Variants in FRMD4B observed in about 807,000 individuals in gnomAD.
The protein encoded by FRMD4B is FERM domain-containing protein 4B.
In FRMD4B, 74 loss-of-function variants were observed where a neutral mutation model predicts 141.5. That is an observed-to-expected ratio of 0.52 (90% CI 0.43 to 0.63). The LOEUF is 0.63. FRMD4B is among the 30% of genes least tolerant of loss of function. The pLI, the probability that FRMD4B is intolerant of heterozygous loss-of-function variation, is 0.00. For synonymous variants in FRMD4B, 506 were observed against 467.9 expected (o/e 1.08, Z -1.05); for missense variants, 1,366 against 1,253.4 (o/e 1.09, Z -1.36).
chr3:69,195,231 A>C lies in FRMD4B; in HGVS notation c.1368T>G (p.Ala456=). 6.2e-7 allele frequency: 1 copy of C among 1,612,632 alleles called. No individual in the cohort carries two copies. The highest frequency in any genetic ancestry group is 8.5e-7 in the Non-Finnish European group (1 of 1,179,538). ...GATGAGCCCCAAAAAGCAGACTCAC[A>C]GCCTCCCGCAGACAGATCTTCTTAA... The part of the protein sequence containing the change: ...EELKKICLRE[A]ELTGKMPKEY... The change falls in exon 15 of 23, where the codon GCT becomes GCG. Residue 456 remains alanine (A), a splice_region_variant and synonymous_variant. Coordinates refer to ENST00000398540, the MANE Select transcript of FRMD4B (RefSeq NM_015123.3).
intron 22 of FRMD4B, among the ~76,000 whole-genome samples, chr3:69,174,054 T>G (rs1213086922): frequency 2.0e-5 from 3 of 151,964 alleles, no homozygotes; most frequent in Non-Finnish European, 4.4e-5. Context: ...GGAGAATCAC[T>G]TGACCCTGGG....
At chr3:69,197,148 G>A in intron 12 of FRMD4B, 110 bp from the exon 13 acceptor site, 1 of 819,140 alleles carries the variant, frequency 1.2e-6, no homozygotes, top group Non-Finnish European at 1.9e-6. Context: ...CCTGTCTTCT[G>A]TTGCAAAAAC....
At chr3:69,179,991 G>C (rs1363773226) in intron 21 of FRMD4B, among the ~76,000 whole-genome samples, 1 of 152,150 alleles carries the variant, frequency 6.6e-6, no homozygotes. Context: ...AATGTTAGCA[G>C]AGTTAGGGGC....
chr3:69,371,548 G>T (rs2107491350), intron 1 of FRMD4B, among the ~76,000 whole-genome samples: 1 of 152,276 alleles, frequency 6.6e-6, no homozygotes, highest in South Asian at 2.1e-4. Context: ...CACTGCAGGG[G>T]CGGTTGGCAT....
intron 1 of FRMD4B, among the ~76,000 whole-genome samples, chr3:69,539,300 C>T (rs1018897950): frequency 1.3e-5 from 2 of 152,198 alleles, no homozygotes; most frequent in Admixed American, 6.5e-5. Context: ...TGGAATCAAA[C>T]GGAGAACTAG....
At chr3:69,302,225 C>G (rs1575708108) in intron 4 of FRMD4B, 118 bp downstream of exon 4, 4 of 669,560 alleles carry the variant, frequency 6.0e-6, no homozygotes, top group Middle Eastern at 2.4e-4. Context: ...TAGGTCTCTT[C>G]TCTTTTTATT....
At chr3:69,489,149 A>G (rs931084219) in intron 1 of FRMD4B, among the ~76,000 whole-genome samples, 1 of 151,716 alleles carries the variant, frequency 6.6e-6, no homozygotes, top group Non-Finnish European at 1.5e-5. Flanking sequence ...CTAAAAAGAA[A>G]CTTATATCCA....
intron 1 of FRMD4B, among the ~76,000 whole-genome samples, chr3:69,313,989 A>G (rs1271650387): frequency 1.0e-4 from 15 of 147,990 alleles, no homozygotes; most frequent in Non-Finnish European, 2.2e-4. Flanking sequence ...AATACAAAAA[A>G]TTAGCCGGGC....
chr3:69,322,594 C>CT (rs771521331), intron 1 of FRMD4B, among the ~76,000 whole-genome samples: 4,506 of 81,344 alleles, frequency 0.055, 311 homozygotes, highest in African/African-American at 0.14. Context: ...TTCTCTCTCT[C>CT]TTTTTTTTTT....
chr3:69,213,029 T>C (rs2093101802), intron 11 of FRMD4B, among the ~76,000 whole-genome samples: 1 of 152,184 alleles, frequency 6.6e-6, no homozygotes, highest in African/African-American at 2.4e-5. Flanking sequence ...TGGAAACAAG[T>C]ATGATGTCCA....
At chr3:69,370,689 C>G (rs1404726175) in intron 1 of FRMD4B, among the ~76,000 whole-genome samples, 1 of 152,228 alleles carries the variant, frequency 6.6e-6, no homozygotes, top group Non-Finnish European at 1.5e-5. Flanking sequence ...ACGTTGCCTT[C>G]GGGCAGAGTT....
At chr3:69,362,710 C>CCCCA (rs1553730362) in intron 1 of FRMD4B, among the ~76,000 whole-genome samples, 52 of 148,198 alleles carry the variant, frequency 3.5e-4, no homozygotes, top group African/African-American at 1.1e-3. Context: ...ACCCCCCCCC[C>CCCCA]AAAAAAACAA....
chr3:69,311,677 C>T (rs1251988954), intron 2 of FRMD4B, among the ~76,000 whole-genome samples: 1 of 152,096 alleles, frequency 6.6e-6, no homozygotes, highest in Non-Finnish European at 1.5e-5. Flanking sequence ...TAACGTGGTG[C>T]TAATGCCCAA....
Position 69,169,353 on chromosome 3 carries a change from C to CTTTTTTTTT in FRMD4B, c.*2499_*2507dup, listed in dbSNP as rs140202368. On this transcript the variant is annotated 3_prime_UTR_variant, in exon 23 of 23. Coordinates refer to ENST00000398540, the MANE Select transcript of FRMD4B (RefSeq NM_015123.3). ...AGGATTGCTGAACTTCCATTTCTTT[C>CTTTTTTTTT]TTTTTTTTTTTTTTTTTTTTTTCTT... 2.7e-4 allele frequency among the ~76,000 whole-genome samples: 8 copies of CTTTTTTTTT among 29,266 alleles called. No individual in the cohort carries two copies. Among genetic ancestry groups the CTTTTTTTTT allele is most frequent in the African/African-American group, 5.1e-4 (8 of 15,646 alleles). 19.2% of individuals were successfully genotyped at this position (29,266 alleles called of 152,430 possible). A position where few individuals can be genotyped will look rare whatever the true frequency, so the allele number is the denominator to read the frequency against.
intron 1 of FRMD4B, among the ~76,000 whole-genome samples, chr3:69,465,040 T>A (rs1298986544): frequency 6.6e-6 from 1 of 152,114 alleles, no homozygotes; most frequent in East Asian, 1.9e-4. Flanking sequence ...ACAATCTTCA[T>A]CCAGGCGTGG....
chr3:69,234,793 C>A (rs1177690267), intron 7 of FRMD4B, among the ~76,000 whole-genome samples: 1 of 152,150 alleles, frequency 6.6e-6, no homozygotes, highest in Admixed American at 6.6e-5. Flanking sequence ...GAGGGTGGGG[C>A]TCAGCAATCT....
At chr3:69,387,559 C>T (rs1704289545), upstream of FRMD4B, among the ~76,000 whole-genome samples, 3 of 152,142 alleles carry the variant, frequency 2.0e-5, no homozygotes, top group South Asian at 6.2e-4. Flanking sequence ...GTTATCTATG[C>T]TATTAAGTGG....
At chr3:69,423,995 C>T (rs749796488) in intron 2 of FRMD4B, among the ~76,000 whole-genome samples, 3 of 152,114 alleles carry the variant, frequency 2.0e-5, no homozygotes, top group Non-Finnish European at 4.4e-5. Context: ...AAGTGGAAGG[C>T]AGCTGCAATG....
At chr3:69,206,040 C>A (rs2093021577) in intron 11 of FRMD4B, among the ~76,000 whole-genome samples, 1 of 152,224 alleles carries the variant, frequency 6.6e-6, no homozygotes. Flanking sequence ...CAAATATGAT[C>A]TCAACCTTAC....
Sources: gnomAD v4.1 joint callset for allele counts (sites outside exome capture counted in the v4.1 genomes callset) on GRCh38, gnomAD v4.1.1 for gene constraint, MANE v1.5 for transcripts, NCBI Gene and HGNC (gene_info 2026-07-23, HGNC 2026-07-21) for gene names.